The following RBFOX1 variants were observed in gnomAD, a reference collection of about 807,000 sequenced individuals.
The protein encoded by RBFOX1 is RNA binding protein fox-1 homolog 1.
A neutral mutation model predicts 57.7 loss-of-function variants in RBFOX1; 8 were observed. The ratio of observed to expected loss-of-function variants is 0.14; its 90% confidence interval spans 0.08 to 0.25. RBFOX1 has a LOEUF of 0.25. Among genes scored for constraint, RBFOX1 ranks in the 10% least tolerant of loss-of-function variants. The probability of loss-of-function intolerance (pLI) is 1.00; values close to 1 mark genes in which losing one functional copy is unlikely to be tolerated. For synonymous variants in RBFOX1, 326 were observed against 222.4 expected (o/e 1.47, Z -4.15); for missense variants, 611 against 548.5 (o/e 1.11, Z -1.14).
At position 6,097,529 on chromosome 16, in the gene RBFOX1, G is replaced by C. The variant is rs750082483; in HGVS notation, c.-127+77537G>C. Among the ~76,000 whole-genome samples the C allele has an allele frequency of 6.6e-6, 1 of 152,162 alleles. No homozygotes were observed. Among genetic ancestry groups the C allele is most frequent in the Non-Finnish European group, 1.5e-5 (1 of 68,034 alleles). ...AATCTGTGCTTTCAACAAGCTCTCT[G>C]AGTGCTTCTTCTGAATGTTAAAGTA... On this transcript the variant is annotated intron_variant, in intron 1 of 15. Coordinates refer to ENST00000550418, the MANE Select transcript of RBFOX1 (RefSeq NM_018723.4). The surrounding 1 kb of genome is among the most constrained non-coding windows in gnomAD (Gnocchi z 5.0).
At chr16:5,453,757 C>G (rs1408205709) in intron 1 of RBFOX1, among the ~76,000 whole-genome samples, 3 of 152,204 alleles carry the variant, frequency 2.0e-5, no homozygotes, top group Non-Finnish European at 2.9e-5. Context: ...CAGCTTTACT[C>G]TAAGCAATGT....
intron 4 of RBFOX1, among the ~76,000 whole-genome samples, chr16:7,417,564 A>T (rs7206689): frequency 9.4e-6 from 1 of 106,164 alleles, no homozygotes; most frequent in Admixed American, 8.8e-5. Flanking sequence ...GTGTGTGTTC[A>T]CTTCTCTGCA....
chr16:7,557,633 A>AAAG (rs1435711584), intron 5 of RBFOX1, among the ~76,000 whole-genome samples: 1 of 140,846 alleles, frequency 7.1e-6, no homozygotes, highest in Admixed American at 7.3e-5. Context: ...AAAAAAAAAA[A>AAAG]AAAAAAAAAG....
chr16:6,306,460 G>A (rs77016282), intron 1 of RBFOX1, among the ~76,000 whole-genome samples: 9,957 of 152,236 alleles, frequency 0.065, 362 homozygotes, highest in South Asian at 0.094. Flanking sequence ...CTTCTTTTAC[G>A]TCAGAGGCAT....
chr16:7,355,745 T>C lies in RBFOX1; in HGVS notation c.28-162402T>C, dbSNP rs991612361. ...CAATTCTTACACACAAAAAAGGGTA[T>C]GATGGACCAGTTTCTTGCATCTGTG... On this transcript the variant is annotated intron_variant, in intron 4 of 15. Coordinates refer to ENST00000550418, the MANE Select transcript of RBFOX1 (RefSeq NM_018723.4). Among the ~76,000 whole-genome samples the C allele has an allele frequency of 3.9e-5, 6 of 152,342 alleles. No homozygotes were observed. In the East Asian group the frequency reaches 5.8e-4, roughly 15 times the overall value.
At chr16:6,026,685 T>C (rs1395887059) in intron 1 of RBFOX1, among the ~76,000 whole-genome samples, 1 of 152,254 alleles carries the variant, frequency 6.6e-6, no homozygotes, top group African/African-American at 2.4e-5. Context: ...TTTATCGTTG[T>C]GTAAGAGCCT....
intron 3 of RBFOX1, among the ~76,000 whole-genome samples, chr16:6,892,046 C>T (rs147414013): frequency 3.3e-5 from 5 of 152,250 alleles, no homozygotes; most frequent in East Asian, 1.9e-4. Context: ...CTGTTGTAGT[C>T]GTGTGAAGTT....
Position 6,655,373 on chromosome 16 carries a change from CAAAAAAAAAAAA to C in RBFOX1, c.-16+742_-16+753del, listed in dbSNP as rs71406388. Among the ~76,000 whole-genome samples, 115 of 33,740 alleles carry C rather than the reference CAAAAAAAAAAAA, an allele frequency of 3.4e-3. 2 individuals are homozygous for C. The highest frequency in any genetic ancestry group is 0.017 in the East Asian group (27 of 1,590). The allele number at this position is 33,740 out of a possible 152,430, so 22.1% of individuals were successfully genotyped here. On this transcript the variant is annotated intron_variant, in intron 3 of 15. Coordinates refer to ENST00000550418, the MANE Select transcript of RBFOX1 (RefSeq NM_018723.4). ...TGAGTGACAAAATAAGCCTCCGTTT[CAAAAAAAAAAAA>C]AAAAAAAAAAAAAAAAAAGAGCTCG...
At position 5,905,593 on chromosome 16, in the gene RBFOX1, G is replaced by A. The variant is rs187935375; in HGVS notation, c.351+38258G>A. ...CTGGATGTGGTGGTACACATCTGCC[G>A]TCATGGCTGTTCAGGAGGCTGAGCC... On this transcript the variant is annotated intron_variant, in intron 4 of 19. Transcript: ENST00000641259. Among the ~76,000 whole-genome samples the A allele has an allele frequency of 5.0e-4, 76 of 152,224 alleles. 2 individuals carry two copies. The highest frequency in any genetic ancestry group is 1.7e-3 in the African/African-American group (70 of 41,534).
chr16:6,016,945 A>G (rs1315539752), upstream of RBFOX1, among the ~76,000 whole-genome samples: 1 of 152,124 alleles, frequency 6.6e-6, no homozygotes, highest in Non-Finnish European at 1.5e-5. Flanking sequence ...TGCCTCTCAC[A>G]CTCATATTCT....
intron 1 of RBFOX1, among the ~76,000 whole-genome samples, chr16:5,380,623 T>A (rs187465038): frequency 1.3e-5 from 2 of 152,292 alleles, no homozygotes; most frequent in East Asian, 3.9e-4. Flanking sequence ...GAGCTAAGCA[T>A]TTTTTAGGCA....
At chr16:7,432,232 A>G (rs1299393010) in intron 4 of RBFOX1, among the ~76,000 whole-genome samples, 1 of 152,194 alleles carries the variant, frequency 6.6e-6, no homozygotes, top group Non-Finnish European at 1.5e-5. Context: ...TCCTTGTCTT[A>G]AAGGTAGGAT....
At chr16:6,772,508 G>T (rs1340531881) in intron 3 of RBFOX1, among the ~76,000 whole-genome samples, 1 of 151,016 alleles carries the variant, frequency 6.6e-6, no homozygotes. Flanking sequence ...GTTTGTGTTT[G>T]TATGTATATG....
chr16:6,688,388 A>T (rs1368239459), intron 3 of RBFOX1, among the ~76,000 whole-genome samples: 1 of 152,158 alleles, frequency 6.6e-6, no homozygotes, highest in South Asian at 2.1e-4. Context: ...AACAGTGAGG[A>T]TTACAATTGG....
intron 3 of RBFOX1, among the ~76,000 whole-genome samples, chr16:6,831,818 G>T (rs1161326562): frequency 6.6e-6 from 1 of 152,112 alleles, no homozygotes; most frequent in Non-Finnish European, 1.5e-5. Flanking sequence ...CCAGCACTTG[G>T]GGAATTTTTA....
chr16:6,885,361 C>T (rs539715408), intron 3 of RBFOX1, among the ~76,000 whole-genome samples: 11 of 152,044 alleles, frequency 7.2e-5, no homozygotes, highest in Non-Finnish European at 1.3e-4. Flanking sequence ...AACAAGCCTT[C>T]GGGGGGTTGC....
Position 6,368,857 on chromosome 16 carries a change from A to G in RBFOX1, c.-64+51800A>G, listed in dbSNP as rs181299867. 2.4e-4 allele frequency among the ~76,000 whole-genome samples: 36 copies of G among 152,346 alleles called. No homozygotes were observed. The East Asian group carries it at 6.0e-3, about 25-fold the overall frequency. On this transcript the variant is annotated intron_variant, in intron 2 of 15. Coordinates refer to ENST00000550418, the MANE Select transcript of RBFOX1 (RefSeq NM_018723.4). ...AACCCAGAAGCAACCTAGTCTTGTC[A>G]TCAAAATGAGAAAGTAAAGATGGAT...
At chr16:7,498,955 C>G (rs1183040812) in intron 4 of RBFOX1, among the ~76,000 whole-genome samples, 2 of 152,158 alleles carry the variant, frequency 1.3e-5, no homozygotes, top group Non-Finnish European at 2.9e-5. Context: ...TAGCTGTTTA[C>G]CTAATTGTTG....
intron 3 of RBFOX1, among the ~76,000 whole-genome samples, chr16:5,605,872 C>T (rs2047557888): frequency 6.6e-6 from 1 of 152,150 alleles, no homozygotes; most frequent in South Asian, 2.1e-4. Context: ...AGAGTGCCAA[C>T]ACAGATGCTG....
Sources: allele counts gnomAD v4.1 joint callset (sites outside exome capture counted in the v4.1 genomes callset), GRCh38; gene constraint gnomAD v4.1.1; non-coding constraint Gnocchi (gnomAD v3.1); transcripts MANE v1.5; gene names NCBI Gene and HGNC (gene_info 2026-07-23, HGNC 2026-07-21).